Variants in PTPRG observed in about 807,000 individuals in gnomAD.
PTPRG encodes protein tyrosine phosphatase receptor type G.
A neutral mutation model predicts 165.3 loss-of-function variants in PTPRG; 102 were observed. That is an observed-to-expected ratio of 0.62 (90% CI 0.53 to 0.73). The LOEUF (loss-of-function observed/expected upper bound fraction) is 0.73. PTPRG is among the 30% of genes least tolerant of loss of function. PTPRG has a pLI of 0.00. For synonymous variants in PTPRG, 675 were observed against 669.5 expected (o/e 1.01, Z -0.13); for missense variants, 1,866 against 1,861.4 (o/e 1.00, Z -0.05).
intron 1 of PTPRG, among the ~76,000 whole-genome samples, chr3:61,607,732 C>T (rs753904987): frequency 2.6e-5 from 4 of 152,082 alleles, no homozygotes; most frequent in Non-Finnish European, 5.9e-5. Flanking sequence ...TTTGAGGGCC[C>T]ACTTTCTTCA....
Position 61,721,274 on chromosome 3 carries a change from A to G in PTPRG, c.86-27604A>G, listed in dbSNP as rs149455189. The stretch of plus-strand genomic sequence containing the variant: ...ATTTTAGCGCTTTAAGTAATATAGT[A>G]TCATCAGTTTTGATTGTGCTGTTAA... On this transcript the variant is annotated intron_variant, in intron 1 of 29. Transcript: ENST00000474889. Among the ~76,000 whole-genome samples, 264 of 152,336 alleles carry G rather than the reference A, an allele frequency of 1.7e-3. 2 individuals carry two copies. The highest frequency in any genetic ancestry group is 6.1e-3 in the African/African-American group (253 of 41,568).
chr3:61,956,260 A>C (rs975365802), intron 2 of PTPRG, among the ~76,000 whole-genome samples: 5 of 139,998 alleles, frequency 3.6e-5, no homozygotes, highest in Non-Finnish European at 6.2e-5. Flanking sequence ...GCCAGTGCTC[A>C]CTCGCGTGCA....
At chr3:62,288,810 C>A (rs1355424890) in intron 28 of PTPRG, among the ~76,000 whole-genome samples, 1 of 151,630 alleles carries the variant, frequency 6.6e-6, no homozygotes, top group Non-Finnish European at 1.5e-5. Context: ...ATATTGGGGA[C>A]GAAACAGAAA....
At chr3:62,167,694 A>G (rs1178548350) in intron 7 of PTPRG, among the ~76,000 whole-genome samples, 3 of 152,262 alleles carry the variant, frequency 2.0e-5, no homozygotes, top group Non-Finnish European at 4.4e-5. Flanking sequence ...GGACTCTCTC[A>G]TGGGAGGCAC....
rs564903398 is a variant in PTPRG, at chr3:62,272,275, T to C, written c.3183-671T>C. 1.2e-3 allele frequency among the ~76,000 whole-genome samples: 177 copies of C among 152,172 alleles called. 3 individuals are homozygous for C. The highest frequency in any genetic ancestry group is 2.0e-4 in the Admixed American group (3 of 15,276). Reference sequence around the variant, plus strand: ...TAAATAACAATATTTATAGTATATATGAAAATATTTCATTTTTAAATTTTT... The same window carrying C: ...TAAATAACAATATTTATAGTATATACGAAAATATTTCATTTTTAAATTTTT... On this transcript the variant is annotated intron_variant, in intron 21 of 29. Transcript: ENST00000474889.
chr3:62,111,085 T>C (rs1449847960), intron 5 of PTPRG, among the ~76,000 whole-genome samples: 1 of 152,224 alleles, frequency 6.6e-6, no homozygotes, highest in Non-Finnish European at 1.5e-5. Context: ...GGAGTCTGGT[T>C]TCTCTTCATA....
intron 1 of PTPRG, among the ~76,000 whole-genome samples, chr3:61,651,134 CTT>C (rs761871013): frequency 1.1e-4 from 16 of 141,476 alleles, no homozygotes; most frequent in Non-Finnish European, 1.9e-4. Context: ...CACTCTTTCT[CTT>C]TTTTTTTTTT....
At chr3:62,275,184 C>T (rs994959520) in intron 23 of PTPRG, among the ~76,000 whole-genome samples, 1 of 152,148 alleles carries the variant, frequency 6.6e-6, no homozygotes, top group Non-Finnish European at 1.5e-5. Flanking sequence ...AATCAAACTA[C>T]TGGGCTGGTT....
At chr3:62,082,594 G>A (rs1258631146) in intron 5 of PTPRG, among the ~76,000 whole-genome samples, 1 of 152,204 alleles carries the variant, frequency 6.6e-6, no homozygotes, top group African/African-American at 2.4e-5. Flanking sequence ...AAATCATCAA[G>A]CAGTCTTATT....
chr3:61,898,828 A>T (rs1259314467), intron 2 of PTPRG, among the ~76,000 whole-genome samples: 1 of 152,230 alleles, frequency 6.6e-6, no homozygotes, highest in African/African-American at 2.4e-5. Flanking sequence ...CTGGGGTAAG[A>T]TTAATCTGAC....
chr3:61,714,707 C>G (rs987723455), intron 1 of PTPRG, among the ~76,000 whole-genome samples: 9 of 152,154 alleles, frequency 5.9e-5, no homozygotes, highest in African/African-American at 1.7e-4. Flanking sequence ...GCTCCTTCCA[C>G]CAGGAGGGCT....
chr3:61,872,003 T>C (rs533979839), intron 2 of PTPRG, among the ~76,000 whole-genome samples: 6 of 152,344 alleles, frequency 3.9e-5, no homozygotes, highest in Admixed American at 1.3e-4. Context: ...CTCTATTCTT[T>C]TTAACCAGTG....
chr3:61,961,835 T>C (rs1460927297), intron 2 of PTPRG, among the ~76,000 whole-genome samples: 4 of 152,186 alleles, frequency 2.6e-5, no homozygotes, highest in African/African-American at 9.7e-5. Context: ...GGCTTTTAAA[T>C]GAGAAACTCT....
chr3:62,171,271 A>G (rs1303942863), intron 8 of PTPRG, among the ~76,000 whole-genome samples: 2 of 152,226 alleles, frequency 1.3e-5, no homozygotes, highest in Non-Finnish European at 2.9e-5. Context: ...GCATACACCC[A>G]GGAGTAAAAT....
chr3:61,670,477 G>T (rs1319127079), intron 1 of PTPRG, among the ~76,000 whole-genome samples: 2 of 152,206 alleles, frequency 1.3e-5, no homozygotes, highest in African/African-American at 2.4e-5. Context: ...GCGCATTGCA[G>T]ACTTGTAATC....
intron 1 of PTPRG, among the ~76,000 whole-genome samples, chr3:61,737,708 G>A (rs2032771612): frequency 6.6e-6 from 1 of 152,018 alleles, no homozygotes; most frequent in African/African-American, 2.4e-5. Context: ...GTCATGGTTG[G>A]AGTGTCCCCT....
intron 2 of PTPRG, among the ~76,000 whole-genome samples, chr3:61,798,720 G>C (rs1422083376): frequency 6.7e-6 from 1 of 150,240 alleles, no homozygotes; most frequent in Non-Finnish European, 1.5e-5. Context: ...TTCATCTGTA[G>C]CATCTTCCAA....
chr3:62,005,264 C>T (rs2041268455), intron 4 of PTPRG, among the ~76,000 whole-genome samples: 1 of 152,178 alleles, frequency 6.6e-6, no homozygotes, highest in Admixed American at 6.5e-5. Flanking sequence ...TTAATTGGTT[C>T]TCTTCCACCC....
chr3:62,171,845 T>C (rs763025373), intron 8 of PTPRG, among the ~76,000 whole-genome samples: 2 of 152,172 alleles, frequency 1.3e-5, no homozygotes, highest in Non-Finnish European at 2.9e-5. Flanking sequence ...AACATTTTCA[T>C]CACCCCAAAA....
Sources: gnomAD v4.1 joint callset for allele counts (sites outside exome capture counted in the v4.1 genomes callset) on GRCh38, gnomAD v4.1.1 for gene constraint, MANE v1.5 for transcripts, NCBI Gene and HGNC (gene_info 2026-07-23, HGNC 2026-07-21) for gene names.